Variants in TAF5L observed in about 807,000 individuals in gnomAD.
TAF5L encodes TAF5-like RNA polymerase II p300/CBP-associated factor-associated factor 65 kDa subunit 5L.
In TAF5L, 7 loss-of-function variants were observed where a neutral mutation model predicts 51.3. The observed-to-expected ratio is 0.14, with a 90% CI of 0.08 to 0.26. The LOEUF (loss-of-function observed/expected upper bound fraction) is 0.26. TAF5L is among the 10% of genes least tolerant of loss of function. TAF5L has a pLI of 1.00. For missense variants in TAF5L, 575 were observed against 758.9 expected (o/e 0.76, Z 2.85); for synonymous variants, 291 against 308.1 (o/e 0.94, Z 0.58).
Position 229,602,578 on chromosome 1 carries a change from G to C in TAF5L, c.589C>G (p.Leu197Val), listed in dbSNP as rs1267442415. 1.2e-6 allele frequency: 2 copies of C among 1,614,238 alleles called. No homozygotes were observed. Among genetic ancestry groups the C allele is most frequent in the South Asian group, 2.2e-5 (2 of 91,084 alleles). The change falls in exon 4 of 5, where the codon CTT becomes GTT. Residue 197 changes from leucine to valine, a missense_variant. Leu to Val is a conservative substitution (Grantham distance 32, BLOSUM62 1). This residue lies in a region of TAF5L where 380 missense variants were observed against 443.7 expected (regional missense o/e 0.86). Coordinates refer to ENST00000258281, the Ensembl canonical transcript of TAF5L. The surrounding 1 kb of genome is among the most constrained non-coding windows in gnomAD (Gnocchi z 4.6). Reference sequence around the variant, plus strand: ...GTTCTCTTGGCAGGCTGCACGTCAAGATGAATATGTAAGGTGAGGACTTTG... The same window carrying C: ...GTTCTCTTGGCAGGCTGCACGTCAACATGAATATGTAAGGTGAGGACTTTG...
rs972072396 is a variant in TAF5L, at chr1:229,620,762, T to C, written c.-4+5123A>G. On this transcript the variant is annotated intron_variant, in intron 1 of 4. Transcript: ENST00000258281. ...TGGCACAATCTACAGAATGGCTCTT[T>C]ACATTACTTACTATGCTTGACTACA... Among the ~76,000 whole-genome samples, 3 of 152,208 alleles carry C rather than the reference T, an allele frequency of 2.0e-5. No individual in the cohort carries two copies. The South Asian group carries it at 6.2e-4, about 31-fold the overall frequency.
At chr1:229,617,969 C>T (rs866106966) in intron 1 of TAF5L, among the ~76,000 whole-genome samples, 12 of 152,258 alleles carry the variant, frequency 7.9e-5, no homozygotes, top group Middle Eastern at 6.8e-3. Flanking sequence ...TGCATAACCA[C>T]GCTAAACTCA....
exon 5 of TAF5L, chr1:229,595,071 G>A (rs1664068980): frequency 1.2e-6 from 2 of 1,604,328 alleles, no homozygotes; most frequent in South Asian, 1.1e-5. Flanking sequence ...TCATCTCCGT[G>A]CCTGCATTAT....
intron 3 of TAF5L, chr1:229,607,142 T>C: frequency 2.0e-6 from 2 of 985,444 alleles, no homozygotes; most frequent in Non-Finnish European, 2.4e-6. Flanking sequence ...TCAATAAATC[T>C]TCATCTCCAC....
At chr1:229,617,884 C>T (rs928473262) in intron 1 of TAF5L, among the ~76,000 whole-genome samples, 3 of 152,190 alleles carry the variant, frequency 2.0e-5, no homozygotes, top group African/African-American at 7.2e-5. Flanking sequence ...GATAAGGGCG[C>T]TTCCCTGAGG....
Position 229,602,763 on chromosome 1 carries a change from T to C in TAF5L, c.404A>G (p.Asp135Gly). 1 of 1,614,128 alleles carries C rather than the reference T, an allele frequency of 6.2e-7. No homozygotes were observed. Among genetic ancestry groups the C allele is most frequent in the Admixed American group, 1.7e-5 (1 of 60,014 alleles). The change falls in exon 4 of 5, where the codon GAT becomes GGT. Residue 135 changes from aspartate to glycine, a missense_variant. Asp to Gly is a moderately conservative substitution (Grantham distance 94). Around this residue, in one of 3 missense-constraint regions of TAF5L, gnomAD observed 380 missense variants for 443.7 expected, o/e 0.86. Transcript: ENST00000258281. This position sits in a 1 kb window ranked among gnomAD's most constrained non-coding sequence, Gnocchi z 4.6. ...AGTGGTCTGTAGCTGCTCAATGACATCCTTCTGGCTAGCATTCTGCAGAAA... is the reference window on the plus strand; with the variant it reads ...AGTGGTCTGTAGCTGCTCAATGACACCCTTCTGGCTAGCATTCTGCAGAAA...
chr1:229,609,250 G>A (rs1664707301), intron 3 of TAF5L, among the ~76,000 whole-genome samples: 1 of 152,084 alleles, frequency 6.6e-6, no homozygotes, highest in Non-Finnish European at 1.5e-5. Context: ...TCTTGTCATG[G>A]TCATGACTTA....
rs1057208784 is a variant in TAF5L, at chr1:229,613,127, G to A, written c.142+1214C>T. On this transcript the variant is annotated intron_variant, in intron 2 of 4. Transcript: ENST00000258281. ...GAGGCCAGGAGGTCATGACTAGCCT[G>A]GACAACATGGTAAGACCCCACCTCT... Among the ~76,000 whole-genome samples, 3 of 150,564 alleles carry A rather than the reference G, an allele frequency of 2.0e-5. No homozygotes were observed. In the South Asian group the frequency reaches 6.3e-4, roughly 32 times the overall value.
chr1:229,594,402 G>A lies in TAF5L; in HGVS notation c.1665C>T (p.Leu555=), dbSNP rs761991112. ...TCATCTGCCCGGTGTACACGCCCAC[G>A]AGCTCGCTGGAGGAGCCGTCGGCAG... is the stretch of plus-strand genomic sequence containing the variant. Residue 555 remains leucine, a synonymous_variant, in exon 5 of 5, where the codon CTC becomes CTT. Transcript: ENST00000258281. This position sits in a 1 kb window ranked among gnomAD's most constrained non-coding sequence, Gnocchi z 7.9. 4.3e-6 allele frequency: 7 copies of A among 1,614,038 alleles called. No individual in the cohort carries two copies. Among genetic ancestry groups the A allele is most frequent in the Admixed American group, 3.3e-5 (2 of 60,000 alleles).
chr1:229,607,123 T>C, intron 3 of TAF5L: 1 of 985,410 alleles, frequency 1.0e-6, no homozygotes, highest in Non-Finnish European at 1.2e-6. Flanking sequence ...CCTTCTGACT[T>C]ATTTATTTTC....
chr1:229,604,709 C>G (rs1303623222), intron 3 of TAF5L, among the ~76,000 whole-genome samples: 1 of 152,084 alleles, frequency 6.6e-6, no homozygotes, highest in African/African-American at 2.4e-5. Flanking sequence ...AGGTAAACCA[C>G]GATCAGCTTG....
chr1:229,622,867 G>A (rs1358153596), intron 1 of TAF5L, among the ~76,000 whole-genome samples: 1 of 152,218 alleles, frequency 6.6e-6, no homozygotes, highest in Non-Finnish European at 1.5e-5. Context: ...CTCCGAAAGT[G>A]CTGGGATTAT....
intron 2 of TAF5L, 139 bp downstream of exon 2, chr1:229,614,202 T>G: frequency 1.4e-6 from 2 of 1,396,540 alleles, no homozygotes; most frequent in South Asian, 1.2e-5. Context: ...CATCATTCAC[T>G]TAACGTAGCT....
chr1:229,618,323 ATACTT>A (rs1665080576), intron 1 of TAF5L, among the ~76,000 whole-genome samples: 1 of 152,248 alleles, frequency 6.6e-6, no homozygotes, highest in East Asian at 1.9e-4. Flanking sequence ...TTTATATAAA[ATACTT>A]AACTTTCAGA....
chr1:229,616,037 C>T (rs1203985166), intron 1 of TAF5L, among the ~76,000 whole-genome samples: 4 of 151,984 alleles, frequency 2.6e-5, no homozygotes, highest in Non-Finnish European at 5.9e-5. Context: ...TTTTTTGAGA[C>T]AGTGTCTTGC....
rs1303407951 is a variant in TAF5L, at chr1:229,625,523, C to T, written c.-4+362G>A. ...GGAGCCGTGCTCCCTGCTTGGCTGT[C>T]GGGCACTGGGATACCTTCCCCGCGG... On this transcript the variant is annotated intron_variant, in intron 1 of 4. Coordinates refer to ENST00000258281, the Ensembl canonical transcript of TAF5L. The surrounding 1 kb of genome is among the most constrained non-coding windows in gnomAD (Gnocchi z 4.0). 1.3e-5 allele frequency among the ~76,000 whole-genome samples: 2 copies of T among 152,088 alleles called. No individual in the cohort carries two copies. The highest frequency in any genetic ancestry group is 2.9e-5 in the Non-Finnish European group (2 of 67,990).
chr1:229,600,861 T>A, intron 4 of TAF5L: 1 of 984,696 alleles, frequency 1.0e-6, no homozygotes, highest in Non-Finnish European at 1.2e-6. Flanking sequence ...TAATTTTTAA[T>A]GCACAGAATA....
At chr1:229,617,811 A>G (rs1328410256) in intron 1 of TAF5L, among the ~76,000 whole-genome samples, 2 of 152,208 alleles carry the variant, frequency 1.3e-5, no homozygotes, top group Non-Finnish European at 2.9e-5. Flanking sequence ...TACTGATTCT[A>G]ACAAATATGC....
In TAF5L at chr1:229,594,978, G is replaced by A. The variant is rs773970605; in HGVS notation, c.1089C>T (p.Asp363=). Reference sequence around the variant, plus strand: ...CCAGATCCCAGTATCTGATGGACATGTCTTCAGAACAAGAGAGCAACCCTG... The same window carrying A: ...CCAGATCCCAGTATCTGATGGACATATCTTCAGAACAAGAGAGCAACCCTG... Residue 363 remains aspartate, a synonymous_variant, in exon 5 of 5, where the codon GAC becomes GAT. Transcript: ENST00000258281. The surrounding 1 kb of genome is among the most constrained non-coding windows in gnomAD (Gnocchi z 7.9). 5 of 1,614,084 alleles carry A rather than the reference G, an allele frequency of 3.1e-6. No homozygotes were observed. The highest frequency in any genetic ancestry group is 1.3e-5 in the African/African-American group (1 of 74,924).
Sources: allele counts gnomAD v4.1 joint callset (sites outside exome capture counted in the v4.1 genomes callset), GRCh38; gene constraint gnomAD v4.1.1; regional missense constraint gnomAD v4.1.1; non-coding constraint Gnocchi (gnomAD v3.1); transcripts MANE v1.5; gene names NCBI Gene and HGNC (gene_info 2026-07-23, HGNC 2026-07-21).